Variants in MBD5 observed in about 807,000 individuals in gnomAD.
MBD5 encodes methyl-CpG-binding domain protein 5.
A neutral mutation model predicts 117.3 loss-of-function variants in MBD5; 13 were observed. The ratio of observed to expected loss-of-function variants is 0.11; its 90% CI spans 0.07 to 0.18. The LOEUF is 0.18. Ranked by LOEUF, MBD5 falls within the 10% of genes least tolerant of loss-of-function variation. The pLI is 1.00. For synonymous variants in MBD5, 727 were observed against 766.4 expected (o/e 0.95, Z 0.85); for missense variants, 1,879 against 2,093.8 (o/e 0.90, Z 2.00).
chr2:148,166,307 C>T (rs527906058), intron 1 of MBD5, among the ~76,000 whole-genome samples: 2 of 152,246 alleles, frequency 1.3e-5, no homozygotes, highest in South Asian at 4.2e-4. Flanking sequence ...TTTTCCCTAT[C>T]TAAACTCTTC....
chr2:148,386,718 C>CAAAAAA (rs60766324), intron 4 of MBD5, among the ~76,000 whole-genome samples: 13 of 104,234 alleles, frequency 1.2e-4, no homozygotes, highest in African/African-American at 2.2e-4. Context: ...GACTCCGTCT[C>CAAAAAA]AAAAAAAAAA....
chr2:148,132,820 A>T lies in MBD5; in HGVS notation c.-924-45880A>T, dbSNP rs186632783. On this transcript the variant is annotated intron_variant, in intron 1 of 13. Coordinates refer to ENST00000642680, the MANE Select transcript of MBD5 (RefSeq NM_001378120.1). ...TGCTGAAATATTAAAAATTGATGTG[A>T]TTTCTTTTAAACCACACCTGGTTTT... 5.3e-5 allele frequency among the ~76,000 whole-genome samples: 8 copies of T among 152,270 alleles called. No homozygotes were observed. In the East Asian group the frequency reaches 1.5e-3, roughly 29 times the overall value.
At chr2:148,313,513 G>A (rs1009061485) in intron 3 of MBD5, among the ~76,000 whole-genome samples, 9 of 152,130 alleles carry the variant, frequency 5.9e-5, no homozygotes, top group Admixed American at 5.9e-4. Context: ...AGCCTCCCAG[G>A]TTGACTTCAG....
At chr2:148,202,010 G>A (rs1271098583) in intron 2 of MBD5, among the ~76,000 whole-genome samples, 1 of 152,122 alleles carries the variant, frequency 6.6e-6, no homozygotes, top group East Asian at 1.9e-4. Context: ...CCTGAGATTT[G>A]TAGCTAGGCT....
In MBD5 at chr2:148,469,928, C is replaced by A. The variant is rs1280684603; in HGVS notation, c.1985C>A (p.Pro662Gln). 6.2e-7 allele frequency: 1 copy of A among 1,613,950 alleles called. No individual in the cohort carries two copies. The highest frequency in any genetic ancestry group is 8.5e-7 in the Non-Finnish European group (1 of 1,179,902). The change falls in exon 8 of 14, where the codon CCA becomes CAA. Residue 662 changes from proline to glutamine, a missense_variant. By Grantham distance (76) the Pro-to-Gln change is moderately conservative (BLOSUM62 -1). Transcript: ENST00000642680. ...GACGCATTGCGGAAAAGAAAACAAC[C>A]ACCTACGACAGTGTTGAGTTTGCTC... ...QKDALRKRKQ[P>Q]PTTVLSLLRQ...
At chr2:148,342,874 A>T (rs1459488124) in intron 4 of MBD5, among the ~76,000 whole-genome samples, 1 of 151,990 alleles carries the variant, frequency 6.6e-6, no homozygotes, top group Admixed American at 6.6e-5. Flanking sequence ...CTCCTCATGC[A>T]GGTACTGAGC....
chr2:148,043,448 T>G (rs1052155437), intron 1 of MBD5, among the ~76,000 whole-genome samples: 7 of 123,852 alleles, frequency 5.7e-5, no homozygotes, highest in African/African-American at 2.2e-4. Flanking sequence ...GCGAGACTCC[T>G]TCTCAAATAA....
intron 11 of MBD5, among the ~76,000 whole-genome samples, chr2:148,497,454 G>A (rs1681736530): frequency 6.6e-6 from 1 of 152,110 alleles, no homozygotes; most frequent in African/African-American, 2.4e-5. Flanking sequence ...TTGGGAGTCT[G>A]GGGTCAGAGG....
chr2:148,395,310 C>A (rs1204609733), intron 4 of MBD5, among the ~76,000 whole-genome samples: 1 of 152,070 alleles, frequency 6.6e-6, no homozygotes, highest in East Asian at 1.9e-4. Context: ...ACTGCTGCAC[C>A]ATCCTTTGTT....
intron 4 of MBD5, among the ~76,000 whole-genome samples, chr2:148,439,268 G>A (rs1204891510): frequency 6.6e-6 from 1 of 152,156 alleles, no homozygotes; most frequent in East Asian, 1.9e-4. Flanking sequence ...CAGGATTAGG[G>A]TGTTGAGGAT....
intron 2 of MBD5, among the ~76,000 whole-genome samples, chr2:148,232,119 A>C (rs1233492691): frequency 2.0e-5 from 3 of 152,234 alleles, no homozygotes; most frequent in African/African-American, 7.2e-5. Flanking sequence ...CAAAGGTCAA[A>C]GACTTAAATC....
chr2:148,376,987 AT>A (rs955340556), intron 4 of MBD5, among the ~76,000 whole-genome samples: 34 of 148,608 alleles, frequency 2.3e-4, no homozygotes, highest in African/African-American at 8.2e-4. Context: ...TAAAGGATAC[AT>A]TTAGAGAGAG....
At chr2:148,280,690 A>C (rs553086903) in intron 3 of MBD5, among the ~76,000 whole-genome samples, 1 of 152,156 alleles carries the variant, frequency 6.6e-6, no homozygotes, top group Non-Finnish European at 1.5e-5. Flanking sequence ...TCAGCCTCCC[A>C]AAGTGCTGGG....
intron 1 of MBD5, among the ~76,000 whole-genome samples, chr2:148,140,223 T>C (rs1697280648): frequency 1.3e-5 from 2 of 152,212 alleles, no homozygotes. Flanking sequence ...GAAAAGCATC[T>C]TGTTTTTTTC....
intron 1 of MBD5, among the ~76,000 whole-genome samples, chr2:148,057,649 T>G (rs1489411829): frequency 6.6e-6 from 1 of 151,908 alleles, no homozygotes; most frequent in Non-Finnish European, 1.5e-5. Flanking sequence ...TAGAATAAAT[T>G]TTTTCCAATT....
Position 148,490,567 on chromosome 2 carries a change from A to G in MBD5, c.4935A>G (p.Ser1645=), listed in dbSNP as rs149419174. Residue 1645 remains serine (S), a synonymous_variant, in exon 11 of 14, where the codon TCA becomes TCG. Transcript: ENST00000642680. The part of the protein sequence containing the change: ...KLVREDDVHN[S]CQQSPEEGKV... ...TAAGAGAAGACGACGTTCACAATTC[A>G]TGTCAACAAAGCCCCGAGGAAGGGA... 223 of 1,614,106 alleles carry G rather than the reference A, an allele frequency of 1.4e-4. 1 individual carries two copies. The highest frequency in any genetic ancestry group is 1.9e-4 in the Non-Finnish European group (219 of 1,180,036).
chr2:148,151,663 G>T (rs1420826250), intron 1 of MBD5, among the ~76,000 whole-genome samples: 1 of 152,084 alleles, frequency 6.6e-6, no homozygotes, highest in Non-Finnish European at 1.5e-5. Context: ...TCCTGGTTTA[G>T]TCTTGGGAGA....
intron 2 of MBD5, among the ~76,000 whole-genome samples, chr2:148,211,345 T>G (rs936435353): frequency 2.6e-5 from 4 of 152,200 alleles, no homozygotes; most frequent in Non-Finnish European, 5.9e-5. Flanking sequence ...TTGTAGTAGC[T>G]TTGAATTCAT....
chr2:148,263,773 T>A (rs567405091), intron 3 of MBD5, among the ~76,000 whole-genome samples: 1 of 152,356 alleles, frequency 6.6e-6, no homozygotes, highest in South Asian at 2.1e-4. Context: ...CATTAGTGTG[T>A]CTTCATGAGA....
Sources: gnomAD v4.1 joint callset for allele counts (sites outside exome capture counted in the v4.1 genomes callset) on GRCh38, gnomAD v4.1.1 for gene constraint, MANE v1.5 for transcripts, NCBI Gene and HGNC (gene_info 2026-07-23, HGNC 2026-07-21) for gene names.